MAP3K8: variants seen among roughly 807,000 people sequenced by gnomAD.
MAP3K8 encodes the protein mitogen-activated protein kinase kinase kinase 8.
MAP3K8 carries 22 observed loss-of-function variants against 45.8 expected under a neutral mutation model. The ratio of observed to expected loss-of-function variants is 0.48; its 90% CI spans 0.34 to 0.69. The LOEUF (loss-of-function observed/expected upper bound fraction) is 0.69, where lower values mean the gene tolerates loss of function less well. MAP3K8 is among the 30% of genes least tolerant of loss of function. The probability of loss-of-function intolerance (pLI) is 0.01; values close to 1 mark genes in which losing one functional copy is unlikely to be tolerated. For missense variants in MAP3K8, 419 were observed against 585.0 expected (o/e 0.72, Z 2.93); for synonymous variants, 223 against 214.3 (o/e 1.04, Z -0.36).
intron 6 of MAP3K8, 22 bp downstream of exon 6, chr10:30,451,766 G>A: frequency 7.8e-7 from 1 of 1,283,198 alleles, no homozygotes. Context: ...CACATGAAAA[G>A]GGTTACTATT....
chr10:30,453,515 G>T (rs766906638), intron 6 of MAP3K8, among the ~76,000 whole-genome samples: 4 of 152,108 alleles, frequency 2.6e-5, no homozygotes, highest in African/African-American at 9.7e-5. Flanking sequence ...AAATGCGTTC[G>T]CGGGCTTCCA....
At chr10:30,449,450 T>C (rs769824415) in intron 4 of MAP3K8, among the ~76,000 whole-genome samples, 1 of 152,210 alleles carries the variant, frequency 6.6e-6, no homozygotes, top group Non-Finnish European at 1.5e-5. Context: ...GGGTTACATT[T>C]GTACGTTCAG....
At chr10:30,453,107 A>G (rs965874962) in intron 6 of MAP3K8, among the ~76,000 whole-genome samples, 1 of 152,170 alleles carries the variant, frequency 6.6e-6, no homozygotes, top group African/African-American at 2.4e-5. Context: ...TTATTTTACA[A>G]TCAAGGAAAT....
At chr10:30,455,495 C>T (rs924383468) in intron 6 of MAP3K8, among the ~76,000 whole-genome samples, 3 of 152,196 alleles carry the variant, frequency 2.0e-5, no homozygotes, top group South Asian at 4.1e-4. Flanking sequence ...CCATGTAATA[C>T]ACATCCAGGG....
Position 30,439,218 on chromosome 10 carries a change from A to G in MAP3K8, c.280A>G (p.Thr94Ala). Residue 94 changes from threonine (T) to alanine (A), a missense_variant, in exon 3 of 9, where the codon ACT becomes GCT. Coordinates refer to ENST00000263056, the MANE Select transcript of MAP3K8 (RefSeq NM_005204.4). ...LLAFANHISN[T>A]AKHFYGQRPQ... ...TGCTTTTGCAAACCATATATCCAAC[A>G]CTGCAAAGCATTTTTATGGACAACG... 6.2e-7 allele frequency: 1 copy of G among 1,614,226 alleles called. No individual in the cohort carries two copies. The highest frequency in any genetic ancestry group is 2.2e-5 in the East Asian group (1 of 44,882).
At chr10:30,458,273 G>GT (rs1554774888) in intron 7 of MAP3K8, 37 bp downstream of exon 7, 9 of 1,364,628 alleles carry the variant, frequency 6.6e-6, no homozygotes, top group East Asian at 2.7e-5. Context: ...GGCGGCGGGG[G>GT]GGGGCGTTGA....
At chr10:30,448,299 AC>A (rs1316602952) in intron 4 of MAP3K8, among the ~76,000 whole-genome samples, 1 of 152,032 alleles carries the variant, frequency 6.6e-6, no homozygotes, top group Non-Finnish European at 1.5e-5. Context: ...CATTCCGCCC[AC>A]TGCAGAGGGG....
chr10:30,447,194 C>T (rs1273053075), intron 3 of MAP3K8, among the ~76,000 whole-genome samples: 2 of 152,220 alleles, frequency 1.3e-5, no homozygotes, highest in African/African-American at 4.8e-5. Flanking sequence ...ACCTATTTTG[C>T]AAGCAATAGA....
At chr10:30,435,418 A>AGCAGAGTGTCGGTCCTTCCTTCCATAC in intron 1 of MAP3K8, among the ~76,000 whole-genome samples, 1 of 152,342 alleles carries the variant, frequency 6.6e-6, no homozygotes, top group African/African-American at 2.4e-5. Context: ...GAGGTTTTGA[A>AGCAGAGTGTCGGTCCTTCCTTCCATAC]GCAGAGTGTC....
chr10:30,436,670 A>G (rs1320983540), intron 1 of MAP3K8, among the ~76,000 whole-genome samples: 1 of 151,282 alleles, frequency 6.6e-6, no homozygotes, highest in Non-Finnish European at 1.5e-5. Flanking sequence ...TAAAAGAATA[A>G]AGAATAAAAA....
intron 3 of MAP3K8, among the ~76,000 whole-genome samples, chr10:30,441,061 G>A (rs1028097003): frequency 6.6e-6 from 1 of 152,050 alleles, no homozygotes; most frequent in Admixed American, 6.6e-5. Flanking sequence ...TTAAGATGAG[G>A]ATAAAATTGT....
intron 3 of MAP3K8, among the ~76,000 whole-genome samples, chr10:30,445,244 A>G (rs1224301562): frequency 6.6e-6 from 1 of 152,076 alleles, no homozygotes; most frequent in African/African-American, 2.4e-5. Context: ...TAAAAATACA[A>G]AAATTAGCTG....
chr10:30,453,855 A>C (rs1836634192), intron 6 of MAP3K8, among the ~76,000 whole-genome samples: 1 of 150,652 alleles, frequency 6.6e-6, no homozygotes, highest in African/African-American at 2.5e-5. Context: ...CAATAGAGTC[A>C]GACCTCATCT....
At chr10:30,436,786 G>T (rs1232303112) in intron 1 of MAP3K8, among the ~76,000 whole-genome samples, 1 of 145,814 alleles carries the variant, frequency 6.9e-6, no homozygotes, top group Admixed American at 7.0e-5. Context: ...TTTCTTTCTT[G>T]AGTCATGTTA....
chr10:30,441,539 A>T (rs1836109233), intron 3 of MAP3K8, among the ~76,000 whole-genome samples: 1 of 152,220 alleles, frequency 6.6e-6, no homozygotes, highest in South Asian at 2.1e-4. Context: ...TTTTAAAATG[A>T]TCAAGAATAT....
At position 30,459,416 on chromosome 10, in the gene MAP3K8, A is replaced by G. The variant is rs747956852; in HGVS notation, c.1188A>G (p.Pro396=). The change falls in exon 8 of 9, where the codon CCA becomes CCG. Residue 396 remains proline (P), a synonymous_variant. Transcript: ENST00000263056. ...EALNPPREDQ[P]RCQSLDSALL... ...TGAACCCGCCCAGAGAGGATCAGCC[A>G]CGCTGTCAGAGTCTGGACTCTGCCC... The G allele has an allele frequency of 1.9e-6, 3 of 1,614,206 alleles. 1 individual carries two copies. The South Asian group carries it at 3.3e-5, about 18-fold the overall frequency.
chr10:30,446,305 C>T (rs8176997), intron 3 of MAP3K8, among the ~76,000 whole-genome samples: 112 of 152,238 alleles, frequency 7.4e-4, no homozygotes, highest in African/African-American at 2.7e-3. Flanking sequence ...GAGGCTGGGG[C>T]AGGTGGCTCA....
chr10:30,443,221 C>T (rs1392575958), intron 3 of MAP3K8, among the ~76,000 whole-genome samples: 1 of 152,162 alleles, frequency 6.6e-6, no homozygotes, highest in African/African-American at 2.4e-5. Context: ...GTCATTTCAC[C>T]TGTCTGTGCC....
At chr10:30,438,859 GGGT>G (rs1835998560) in intron 2 of MAP3K8, 54 bp from the exon 3 acceptor site, 27 of 926,088 alleles carry the variant, frequency 2.9e-5, no homozygotes, top group Non-Finnish European at 4.3e-5. Flanking sequence ...AGTTTCCCAT[GGGT>G]CTTGAATGCA....
Sources: allele counts gnomAD v4.1 joint callset (sites outside exome capture counted in the v4.1 genomes callset), GRCh38; gene constraint gnomAD v4.1.1; transcripts MANE v1.5; gene names NCBI Gene and HGNC (gene_info 2026-07-23, HGNC 2026-07-21).